CSMD1: variants seen among roughly 807,000 people sequenced by gnomAD.
CSMD1 encodes CUB and Sushi multiple domains 1.
CSMD1 carries 213 observed loss-of-function variants against 417.5 expected under a neutral mutation model. That is an observed-to-expected ratio of 0.51 (90% CI 0.46 to 0.57). The LOEUF is 0.57. CSMD1 is among the 20% of genes least tolerant of loss of function. The pLI is 0.00. For missense variants in CSMD1, 6,923 were observed against 4,529.7 expected (o/e 1.53, Z -15.17); for synonymous variants, 2,862 against 1,736.8 (o/e 1.65, Z -16.11).
At chr8:3,777,600 G>A (rs1371089923) in intron 5 of CSMD1, among the ~76,000 whole-genome samples, 2 of 152,216 alleles carry the variant, frequency 1.3e-5, no homozygotes, top group African/African-American at 4.8e-5. Context: ...AGCAGTCTCA[G>A]AATGAGATGC....
chr8:3,270,483 G>A (rs1227785460), intron 26 of CSMD1, among the ~76,000 whole-genome samples: 1 of 152,184 alleles, frequency 6.6e-6, no homozygotes, highest in Non-Finnish European at 1.5e-5. Flanking sequence ...CTTAAAAAAT[G>A]ACCATTGAAC....
intron 2 of CSMD1, among the ~76,000 whole-genome samples, chr8:4,601,311 A>G (rs1800567680): frequency 6.6e-6 from 1 of 152,132 alleles, no homozygotes; most frequent in Non-Finnish European, 1.5e-5. Flanking sequence ...CAGCGAAGCA[A>G]AAGTTTGGAA....
chr8:4,408,808 G>A (rs1000758243), intron 3 of CSMD1, among the ~76,000 whole-genome samples: 1 of 152,078 alleles, frequency 6.6e-6, no homozygotes, highest in Non-Finnish European at 1.5e-5. Flanking sequence ...AAAAAAAATA[G>A]CACAATAAAG....
intron 8 of CSMD1, among the ~76,000 whole-genome samples, chr8:3,614,817 G>A (rs1349137201): frequency 1.3e-5 from 2 of 152,270 alleles, no homozygotes; most frequent in South Asian, 2.1e-4. Flanking sequence ...TCTCCATTCT[G>A]GAGACGCTTA....
intron 50 of CSMD1, among the ~76,000 whole-genome samples, chr8:3,037,891 T>A (rs1027832473): frequency 2.6e-5 from 4 of 152,168 alleles, no homozygotes; most frequent in Non-Finnish European, 1.5e-5. Context: ...TCCAACTGAA[T>A]CTAGACCTTC....
intron 3 of CSMD1, among the ~76,000 whole-genome samples, chr8:4,340,621 C>T (rs780251006): frequency 1.3e-5 from 2 of 152,122 alleles, no homozygotes; most frequent in Admixed American, 6.6e-5. Context: ...GCTGCGCCTC[C>T]TCTGCCAATG....
At chr8:3,770,374 C>T (rs1382288939) in intron 5 of CSMD1, among the ~76,000 whole-genome samples, 3 of 152,044 alleles carry the variant, frequency 2.0e-5, no homozygotes, top group Admixed American at 1.3e-4. Context: ...ACTAAAAATA[C>T]AAAAATTAGC....
chr8:4,257,164 G>A lies in CSMD1; in HGVS notation c.415+162789C>T, dbSNP rs534720941. The stretch of plus-strand genomic sequence containing the variant: ...ACCTAGGGCAAATTACTAAAAGTTT[G>A]ACCTTGAGTTATAAATTATGGTACT... On this transcript the variant is annotated intron_variant, in intron 3 of 69. Transcript: ENST00000635120. 1.6e-4 allele frequency among the ~76,000 whole-genome samples: 24 copies of A among 151,282 alleles called. 1 individual carries two copies. The Middle Eastern group carries it at 0.014, about 86-fold the overall frequency.
chr8:3,256,633 C>G (rs944014675), intron 26 of CSMD1, among the ~76,000 whole-genome samples: 1 of 152,222 alleles, frequency 6.6e-6, no homozygotes, highest in East Asian at 1.9e-4. Flanking sequence ...AATCCCACTT[C>G]CAACATGTGT....
intron 5 of CSMD1, among the ~76,000 whole-genome samples, chr8:3,837,868 A>T (rs749916153): frequency 6.6e-6 from 1 of 152,094 alleles, no homozygotes; most frequent in Non-Finnish European, 1.5e-5. Context: ...TTCCAACCTC[A>T]CAGGACTAGT....
chr8:4,044,195 G>A (rs963679037), intron 3 of CSMD1, among the ~76,000 whole-genome samples: 17 of 152,146 alleles, frequency 1.1e-4, no homozygotes, highest in African/African-American at 3.9e-4. Flanking sequence ...AAAGTTGAGG[G>A]ATCTGCACAA....
intron 4 of CSMD1, among the ~76,000 whole-genome samples, chr8:4,030,097 G>A (rs1459746552): frequency 6.6e-6 from 1 of 152,168 alleles, no homozygotes; most frequent in African/African-American, 2.4e-5. Context: ...GCTTTCATGG[G>A]CTGCTGTTAA....
In CSMD1 at chr8:3,348,153, C is replaced by T; in HGVS notation, c.3313G>A (p.Gly1105Arg). 6.2e-7 allele frequency: 1 copy of T among 1,611,536 alleles called. No homozygotes were observed. The highest frequency in any genetic ancestry group is 1.3e-5 in the African/African-American group (1 of 74,928). Reference sequence around the variant, plus strand: ...CCTTCATTTCCTTTGACACTTGCTCCACATTCGGCTACAATAAATAGGACA... The same window carrying T: ...CCTTCATTTCCTTTGACACTTGCTCTACATTCGGCTACAATAAATAGGACA... Reference protein sequence around the residue: ...APLPRCVAECGASVKGNEGTL... With the variant: ...APLPRCVAECRASVKGNEGTL... The change falls in exon 22 of 70, where the codon GGA becomes AGA. Residue 1105 changes from glycine (G) to arginine (R), a missense_variant. Gly to Arg is a moderately radical substitution (Grantham distance 125). Transcript: ENST00000635120.
chr8:4,516,875 G>C (rs1387487509), intron 2 of CSMD1, among the ~76,000 whole-genome samples: 1 of 151,902 alleles, frequency 6.6e-6, no homozygotes, highest in Admixed American at 6.6e-5. Flanking sequence ...ACTAGCTCTA[G>C]GGTGAATACA....
At chr8:4,562,424 T>A (rs1176218270) in intron 2 of CSMD1, among the ~76,000 whole-genome samples, 1 of 152,166 alleles carries the variant, frequency 6.6e-6, no homozygotes, top group Non-Finnish European at 1.5e-5. Context: ...AATTCTTTAA[T>A]CAGAAGAAGT....
chr8:3,194,769 C>G (rs1421328824), intron 33 of CSMD1, among the ~76,000 whole-genome samples: 1 of 151,868 alleles, frequency 6.6e-6, no homozygotes, highest in Admixed American at 6.6e-5. Context: ...CATGACTGGC[C>G]TAATTAACTA....
intron 5 of CSMD1, among the ~76,000 whole-genome samples, chr8:3,756,889 G>C (rs774465760): frequency 5.3e-5 from 8 of 151,942 alleles, no homozygotes; most frequent in Non-Finnish European, 1.0e-4. Context: ...TCCGACTCCT[G>C]GGCTCAAGCC....
At chr8:4,658,283 T>C (rs569257971) in intron 1 of CSMD1, among the ~76,000 whole-genome samples, 1 of 152,224 alleles carries the variant, frequency 6.6e-6, no homozygotes, top group Non-Finnish European at 1.5e-5. Context: ...CTCAAAGAGA[T>C]CCATACTGGG....
At chr8:3,947,759 C>T (rs1465603605) in intron 5 of CSMD1, among the ~76,000 whole-genome samples, 2 of 152,072 alleles carry the variant, frequency 1.3e-5, no homozygotes, top group East Asian at 3.9e-4. Context: ...GTGAATGTTC[C>T]ATGTGCGGTT....
Sources: allele counts gnomAD v4.1 joint callset (sites outside exome capture counted in the v4.1 genomes callset), GRCh38; gene constraint gnomAD v4.1.1; transcripts MANE v1.5; gene names NCBI Gene and HGNC (gene_info 2026-07-23, HGNC 2026-07-21).